Variants in TRIM49 observed in about 807,000 individuals in gnomAD.
TRIM49 encodes tripartite motif containing 49, also known as tripartite motif-containing protein 49.
TRIM49 carries 5 observed loss-of-function variants against 27.4 expected under a neutral mutation model. The observed-to-expected ratio is 0.18, with a 90% CI of 0.10 to 0.38. TRIM49 has a LOEUF of 0.38. Among genes scored for constraint, TRIM49 ranks in the 10% least tolerant of loss-of-function variants. The pLI, the probability that TRIM49 is intolerant of heterozygous loss-of-function variation, is 1.00. For synonymous variants in TRIM49, 69 were observed against 166.0 expected (o/e 0.42, Z 4.49); for missense variants, 188 against 487.5 (o/e 0.39, Z 5.79).
chr11:89,768,046 G>T, the TRIM49 span: 14 of 473,780 alleles, frequency 3.0e-5, 3 homozygotes, highest in East Asian at 6.4e-4. Context: ...TCTGTTTGAG[G>T]ATAGTGAAAC....
Position 89,808,506 on chromosome 11 carries a change from C to T in TRIM49, c.-260G>A, listed in dbSNP as rs1158040591. 6 of 151,020 alleles carry T rather than the reference C, an allele frequency of 4.0e-5. No individual in the cohort carries two copies. The highest frequency in any genetic ancestry group is 8.8e-5 in the Non-Finnish European group (6 of 67,986). 9.4% of individuals were successfully genotyped at this position (151,020 alleles called of 1,614,324 possible). On this transcript the variant is annotated 5_prime_UTR_variant, in exon 1 of 8. Transcript: ENST00000329758. The stretch of plus-strand genomic sequence containing the variant: ...GTCCATCAGGAAAAGAAATCCCCCG[C>T]TGGCTGGATCCCAGTGGTCATGAAT...
At chr11:89,796,150 T>C (rs1949687533), downstream of TRIM49, among the ~76,000 whole-genome samples, 4 of 152,030 alleles carry the variant, frequency 2.6e-5, 1 homozygote, top group South Asian at 8.3e-4. Flanking sequence ...TATCCCAGCT[T>C]TCTCAGTTAT....
downstream of TRIM49, among the ~76,000 whole-genome samples, chr11:89,792,821 C>G (rs541441671): frequency 1.3e-5 from 2 of 152,178 alleles, no homozygotes; most frequent in East Asian, 1.9e-4. Flanking sequence ...ACCCTAACAT[C>G]ACAACTAAAA....
At chr11:89,768,910 G>A in the TRIM49 span, 1 of 484,258 alleles carries the variant, frequency 2.1e-6, no homozygotes, top group Non-Finnish European at 4.1e-6. Context: ...TGGGTGAGGT[G>A]GCTCACACCT....
intron 6 of TRIM49, among the ~76,000 whole-genome samples, chr11:89,800,518 C>T (rs1234333434): frequency 1.3e-5 from 2 of 151,310 alleles, no homozygotes; most frequent in East Asian, 1.9e-4. Flanking sequence ...CCGAGGCGGG[C>T]GGATCACGGG....
chr11:89,784,067 A>G, the TRIM49 span, among the ~76,000 whole-genome samples: 1 of 130,368 alleles, frequency 7.7e-6, no homozygotes, highest in Admixed American at 7.3e-5. Flanking sequence ...TGGCACACCA[A>G]GTTGTAAGAT....
At chr11:89,807,041 CTAATT>C (rs1003172520) in intron 2 of TRIM49, 53 bp downstream of exon 2, 22 of 151,232 alleles carry the variant, frequency 1.5e-4, no homozygotes, top group Admixed American at 1.3e-3. Context: ...TTTTAACACT[CTAATT>C]TATTATTGTG....
chr11:89,789,556 A>G, the TRIM49 span: 1 of 149,386 alleles, frequency 6.7e-6, no homozygotes, highest in Admixed American at 6.6e-5. Context: ...CTGCAGCTCT[A>G]ACACAGGGAT....
At chr11:89,777,195 G>A in the TRIM49 span, 4 of 1,548,880 alleles carry the variant, frequency 2.6e-6, no homozygotes, top group Admixed American at 7.9e-5. Flanking sequence ...TACTCAAAAA[G>A]CTGTCTTCCC....
Position 89,802,570 on chromosome 11 carries a change from C to T in TRIM49, c.508-638G>A, listed in dbSNP as rs913114022. ...AACTAGAATTACATATATATGTATA[C>T]AAACACACACACATACATACATACA... On this transcript the variant is annotated intron_variant, in intron 4 of 7. Coordinates refer to ENST00000329758, the MANE Select transcript of TRIM49 (RefSeq NM_020358.2). 2.7e-5 allele frequency among the ~76,000 whole-genome samples: 4 copies of T among 149,136 alleles called. No individual in the cohort carries two copies. In the East Asian group the frequency reaches 8.1e-4, roughly 30 times the overall value.
rs1316684054 is a variant in TRIM49, at chr11:89,798,430, C to T, written c.1059G>A (p.Trp353Ter). The T allele has an allele frequency of 6.2e-7, 1 of 1,602,532 alleles. No individual in the cohort carries two copies. The highest frequency in any genetic ancestry group is 1.7e-5 in the Admixed American group (1 of 58,904). The change falls in exon 8 of 8, where the codon TGG (tryptophan) becomes TGA (stop). Residue 353 changes from tryptophan to a stop codon, truncating the protein, a stop_gained. Coordinates refer to ENST00000329758, the MANE Select transcript of TRIM49 (RefSeq NM_020358.2). LOFTEE classifies it low-confidence loss of function (END_TRUNC). ...WEVHVGDSWNWAFGVCNMYRK... is the reference protein window; with the variant it reads ...WEVHVGDSWN ...GATACATATTACAGACACCAAAAGC[C>T]CAATTCCAGGAGTCCCCTACATGGA...
chr11:89,772,249 C>T, the TRIM49 span, among the ~76,000 whole-genome samples: 2 of 137,270 alleles, frequency 1.5e-5, no homozygotes, highest in South Asian at 2.3e-4. Context: ...ACTGTATACA[C>T]ATAACATATA....
At chr11:89,797,324 CATA>C (rs1464960684), downstream of TRIM49, among the ~76,000 whole-genome samples, 2 of 151,736 alleles carry the variant, frequency 1.3e-5, no homozygotes, top group African/African-American at 4.9e-5. Context: ...TACTAGTTTG[CATA>C]ATGTTTTTTG....
At chr11:89,793,568 G>C (rs868749583), downstream of TRIM49, among the ~76,000 whole-genome samples, 924 of 150,494 alleles carry the variant, frequency 6.1e-3, 3 homozygotes, top group African/African-American at 0.019. Flanking sequence ...GGGATCCAAG[G>C]CTGGTTCAAC....
the TRIM49 span, among the ~76,000 whole-genome samples, chr11:89,776,798 T>C: frequency 2.7e-5 from 4 of 150,934 alleles, no homozygotes; most frequent in African/African-American, 4.9e-5. Flanking sequence ...GCGAAAACTT[T>C]ATAAATCCAG....
chr11:89,787,865 G>A, the TRIM49 span: 49 of 431,020 alleles, frequency 1.1e-4, no homozygotes, highest in Admixed American at 1.7e-4. Context: ...TTGACACGGG[G>A]TTTGAGGGCA....
chr11:89,784,064 C>T, the TRIM49 span, among the ~76,000 whole-genome samples: 13 of 130,872 alleles, frequency 9.9e-5, no homozygotes, highest in Non-Finnish European at 1.8e-4. Context: ...AGATGGCACA[C>T]CAAGTTGTAA....
chr11:89,777,390 C>T, the TRIM49 span: 68 of 1,535,936 alleles, frequency 4.4e-5, 3 homozygotes, highest in Non-Finnish European at 5.1e-5. Flanking sequence ...ATGCAGGGTA[C>T]GTGATGCCTC....
rs773461659 is a variant in TRIM49, at chr11:89,798,590, A to C, written c.899T>G (p.Ile300Ser). 6.5e-7 allele frequency: 1 copy of C among 1,547,366 alleles called. No individual in the cohort carries two copies. The highest frequency in any genetic ancestry group is 1.9e-5 in the Admixed American group (1 of 53,584). ...TLHHEEANND[I>S]FLYEILRSMC... Reference sequence around the variant, plus strand: ...GCTTCTCAAAATTTCATACAGAAAGATATCATTGTTGGCTTCTTCATGATG... The same window carrying C: ...GCTTCTCAAAATTTCATACAGAAAGCTATCATTGTTGGCTTCTTCATGATG... Residue 300 changes from isoleucine (I) to serine (S), a missense_variant, in exon 8 of 8, where the codon ATC becomes AGC. By Grantham distance (142) the Ile-to-Ser change is moderately radical. This residue lies in a region of TRIM49 where 94 missense variants were observed against 149.6 expected (regional missense o/e 0.63). Coordinates refer to ENST00000329758, the MANE Select transcript of TRIM49 (RefSeq NM_020358.2).
Sources: allele counts gnomAD v4.1 joint callset (sites outside exome capture counted in the v4.1 genomes callset), GRCh38; gene constraint gnomAD v4.1.1; regional missense constraint gnomAD v4.1.1; transcripts MANE v1.5; gene names NCBI Gene and HGNC (gene_info 2026-07-23, HGNC 2026-07-21).